The following RBFA variants were observed in gnomAD, a reference collection of about 807,000 sequenced individuals.
RBFA encodes the protein ribosome binding factor A.
RBFA carries 16 observed loss-of-function variants against 27.9 expected under a neutral mutation model. That is an observed-to-expected ratio of 0.57 (90% CI 0.39 to 0.87). RBFA has a LOEUF of 0.87. Among genes scored for constraint, RBFA ranks in the 40% least tolerant of loss-of-function variants. The pLI, the probability that RBFA is intolerant of heterozygous loss-of-function variation, is 0.00. For synonymous variants in RBFA, 181 were observed against 181.0 expected (o/e 1.00, Z 0.00); for missense variants, 456 against 432.1 (o/e 1.06, Z -0.49).
intron 4 of RBFA, among the ~76,000 whole-genome samples, chr18:80,038,981 C>G (rs1256714251): frequency 6.6e-6 from 1 of 152,232 alleles, no homozygotes; most frequent in Non-Finnish European, 1.5e-5. Flanking sequence ...CGCCATGCCA[C>G]ATGCCTAGAG....
intron 4 of RBFA, among the ~76,000 whole-genome samples, chr18:80,040,807 G>A (rs1321167884): frequency 2.0e-5 from 3 of 152,156 alleles, no homozygotes; most frequent in Non-Finnish European, 4.4e-5. Context: ...AATATTGATA[G>A]ATAGAACCCA....
intron 5 of RBFA, among the ~76,000 whole-genome samples, chr18:80,042,467 T>C (rs1599769071): frequency 6.6e-6 from 1 of 151,940 alleles, no homozygotes; most frequent in African/African-American, 2.4e-5. Context: ...GAAAAGATAA[T>C]GTACAGTTAA....
chr18:80,034,639 T>C lies in RBFA; in HGVS notation c.144T>C (p.Phe48=). Residue 48 remains phenylalanine, a synonymous_variant, in exon 1 of 7, where the codon TTT becomes TTC. Coordinates refer to ENST00000306735, the MANE Select transcript of RBFA (RefSeq NM_024805.3). ...CCTGCAAGAACTGGCTCAAGAAATT[T>C]GCCTCGAAAACCAAGTAATGCGGCG... is the stretch of plus-strand genomic sequence containing the variant. ...AVSCKNWLKK[F]ASKTKKKVWY... The C allele has an allele frequency of 6.2e-7, 1 of 1,609,122 alleles. No homozygotes were observed. Among genetic ancestry groups the C allele is most frequent in the Middle Eastern group, 1.7e-4 (1 of 6,052 alleles).
intron 6 of RBFA, among the ~76,000 whole-genome samples, chr18:80,044,871 TAGAC>T (rs1044637518): frequency 2.0e-5 from 3 of 152,228 alleles, no homozygotes; most frequent in African/African-American, 7.2e-5. Context: ...CTGGGGGCCT[TAGAC>T]AGCAGCGTCA....
intron 5 of RBFA, among the ~76,000 whole-genome samples, chr18:80,043,884 A>C (rs1019147253): frequency 6.6e-6 from 1 of 152,216 alleles, no homozygotes; most frequent in Admixed American, 6.5e-5. Context: ...TTGCAAAACT[A>C]CCTTAGAAAC....
chr18:80,039,695 G>C (rs540381766), intron 4 of RBFA, among the ~76,000 whole-genome samples: 8 of 152,210 alleles, frequency 5.3e-5, no homozygotes, highest in South Asian at 2.1e-4. Context: ...GATTGGCAGC[G>C]ACCTTAACAA....
chr18:80,042,694 C>T (rs1349555177), intron 5 of RBFA, among the ~76,000 whole-genome samples: 5 of 151,598 alleles, frequency 3.3e-5, no homozygotes, highest in African/African-American at 4.8e-5. Flanking sequence ...TCAGTTGAAC[C>T]GGGAAGGCGG....
chr18:80,044,340 A>C, intron 6 of RBFA, 55 bp downstream of exon 6: 1 of 1,489,458 alleles, frequency 6.7e-7, no homozygotes, highest in Non-Finnish European at 9.4e-7. Context: ...TGGGTGTGGA[A>C]TCACCATTTT....
Position 80,045,968 on chromosome 18 carries a change from C to T in RBFA, c.845C>T (p.Ala282Val). 6.2e-7 allele frequency: 1 copy of T among 1,614,078 alleles called. No individual in the cohort carries two copies. Among genetic ancestry groups the T allele is most frequent in the Non-Finnish European group, 8.5e-7 (1 of 1,180,030 alleles). The change falls in exon 7 of 7, where the codon GCC becomes GTC. Residue 282 changes from alanine to valine, a missense_variant. By Grantham distance (64) the Ala-to-Val change is moderately conservative. Transcript: ENST00000306735. ...TTQMKKGRKR[A>V]KPRLEQDSSL... ...CAGATGAAAAAGGGAAGGAAGAGGG[C>T]CAAGCCCCGCCTGGAGCAGGACAGC...
In RBFA at chr18:80,046,504, G is replaced by T; in HGVS notation, c.*349G>T. The T allele has an allele frequency of 4.1e-6, 1 of 243,260 alleles. No homozygotes were observed. Among genetic ancestry groups the T allele is most frequent in the Non-Finnish European group, 8.0e-6 (1 of 124,334 alleles). 15.1% of individuals were successfully genotyped at this position (243,260 alleles called of 1,614,324 possible). A position where few individuals can be genotyped will look rare whatever the true frequency, so the allele number is the denominator to read the frequency against. Reference sequence around the variant, plus strand: ...GAGGGGTCAGGCCACAGCAGTGGCCGGGGTAAGAACTGAACCTGCAAACCT... The same window carrying T: ...GAGGGGTCAGGCCACAGCAGTGGCCTGGGTAAGAACTGAACCTGCAAACCT... On this transcript the variant is annotated 3_prime_UTR_variant, in exon 7 of 7. Transcript: ENST00000306735.
Position 80,046,823 on chromosome 18 carries a change from G to A in RBFA, c.*668G>A, listed in dbSNP as rs1312067335. On this transcript the variant is annotated 3_prime_UTR_variant, in exon 7 of 7. Coordinates refer to ENST00000306735, the MANE Select transcript of RBFA (RefSeq NM_024805.3). ...CCTGAAGTAGTAACACTTTTCCCTTGGTGCCCGTGGCCAGCTAGTGTATTT... is the reference window on the plus strand; with the variant it reads ...CCTGAAGTAGTAACACTTTTCCCTTAGTGCCCGTGGCCAGCTAGTGTATTT... The A allele has an allele frequency of 6.5e-6, 1 of 152,772 alleles. No individual in the cohort carries two copies. Among genetic ancestry groups the A allele is most frequent in the Non-Finnish European group, 1.5e-5 (1 of 68,298 alleles). The allele number at this position is 152,772 out of a possible 1,614,324, so 9.5% of individuals were successfully genotyped here.
chr18:80,043,487 G>A (rs753816254), intron 5 of RBFA, among the ~76,000 whole-genome samples: 5 of 152,236 alleles, frequency 3.3e-5, no homozygotes, highest in Non-Finnish European at 7.3e-5. Flanking sequence ...GCATGAGCAA[G>A]GTGTTCCCTG....
rs1390688919 is a variant in RBFA at position 80,038,625 on chromosome 18, C to A, written c.491+8C>A. ...AAGTGCCGCGCACATGAGGTGATGA[C>A]CTTTGCTTTCTGAATGTACTTGCTT... On this transcript the variant is annotated splice_region_variant and intron_variant, in intron 4 of 6. Transcript: ENST00000306735. 3.8e-6 allele frequency: 6 copies of A among 1,590,934 alleles called. No individual in the cohort carries two copies. The Admixed American group carries it at 5.2e-5, about 14-fold the overall frequency.
At chr18:80,043,080 T>C (rs1159570470) in intron 5 of RBFA, among the ~76,000 whole-genome samples, 1 of 152,184 alleles carries the variant, frequency 6.6e-6, no homozygotes, top group East Asian at 1.9e-4. Flanking sequence ...CTTAAGTGCT[T>C]TTATTATCAT....
intron 5 of RBFA, 44 bp from the exon 6 acceptor site, chr18:80,044,168 G>A: frequency 1.3e-6 from 2 of 1,521,732 alleles, no homozygotes; most frequent in East Asian, 2.3e-5. Context: ...AAGTATGGTG[G>A]TGGGGATGTG....
At chr18:80,040,222 A>T (rs562629658) in intron 4 of RBFA, among the ~76,000 whole-genome samples, 38 of 136,190 alleles carry the variant, frequency 2.8e-4, no homozygotes, top group African/African-American at 9.1e-4. Context: ...TTTCCAACAC[A>T]TAACTGGGAG....
chr18:80,036,675 G>T lies in RBFA; in HGVS notation c.166G>T (p.Val56Phe). 1 of 1,612,136 alleles carries T rather than the reference G, an allele frequency of 6.2e-7. No homozygotes were observed. Among genetic ancestry groups the T allele is most frequent in the Non-Finnish European group, 8.5e-7 (1 of 1,178,782 alleles). The change falls in exon 2 of 7, where the codon GTT becomes TTT. Residue 56 changes from valine (V) to phenylalanine (F), a missense_variant. Val to Phe is a conservative substitution (Grantham distance 50). Transcript: ENST00000306735. The stretch of plus-strand genomic sequence containing the variant: ...CTTATTTTCTCCCCAAAGAAAAAAG[G>T]TTTGGTATGAAAGTCCTTCCTTGGG... ...KKFASKTKKKVWYESPSLGSH... is the reference protein window; with the variant it reads ...KKFASKTKKKFWYESPSLGSH...
chr18:80,034,752 G>A, intron 1 of RBFA, 99 bp downstream of exon 1: 3 of 1,490,952 alleles, frequency 2.0e-6, no homozygotes, highest in Non-Finnish European at 2.7e-6. Flanking sequence ...CGCCCATGCG[G>A]CCTAGCTCGC....
intron 5 of RBFA, among the ~76,000 whole-genome samples, chr18:80,043,123 G>T (rs1180951848): frequency 6.6e-6 from 1 of 152,162 alleles, no homozygotes; most frequent in Non-Finnish European, 1.5e-5. Flanking sequence ...TAGCTATAAA[G>T]ATTAAAAACA....
Sources: allele counts gnomAD v4.1 joint callset (sites outside exome capture counted in the v4.1 genomes callset), GRCh38; gene constraint gnomAD v4.1.1; transcripts MANE v1.5; gene names NCBI Gene and HGNC (gene_info 2026-07-23, HGNC 2026-07-21).